Variants in COL4A6 observed in about 807,000 individuals in gnomAD.
The protein encoded by COL4A6 is collagen alpha-6(IV) chain.
COL4A6 carries 59 observed loss-of-function variants against 126.7 expected under a neutral mutation model. The observed-to-expected ratio is 0.47, with a 90% CI of 0.38 to 0.58. The LOEUF (loss-of-function observed/expected upper bound fraction) is 0.58. COL4A6 is among the 20% of genes least tolerant of loss of function. COL4A6 has a pLI of 0.00. For missense variants in COL4A6, 1,285 were observed against 1,337.3 expected, an observed-to-expected ratio of 0.96 and a Z score of 0.61; for synonymous variants, 547 against 496.6, an observed-to-expected ratio of 1.10 and a Z score of -1.35.
At chrX:108,353,092 A>G (rs2039880852) in intron 2 of COL4A6, among the ~76,000 whole-genome samples, 1 of 111,974 alleles carries the variant, frequency 8.9e-6, no homozygotes, top group Non-Finnish European at 1.9e-5. Flanking sequence ...GGTTATAAGA[A>G]GAAAAAAAGG....
chrX:108,293,594 A>C (rs766743849), intron 3 of COL4A6, among the ~76,000 whole-genome samples: 16 of 110,076 alleles, frequency 1.5e-4, no homozygotes, highest in Non-Finnish European at 2.8e-4. Flanking sequence ...TATATTTGGG[A>C]CTTCGGATTC....
At chrX:108,421,067 A>G in intron 2 of COL4A6, among the ~76,000 whole-genome samples, 1 of 112,358 alleles carries the variant, frequency 8.9e-6, no homozygotes, top group South Asian at 3.7e-4. Context: ...TCTACAGATT[A>G]CTGATACTGT....
rs2035031131 is a variant in COL4A6, at chrX:108,191,263, C to T, written c.1321+130G>A. 6.2e-6 allele frequency: 5 copies of T among 800,040 alleles called. No homozygotes were observed. In the Admixed American group the frequency reaches 1.5e-4, roughly 24 times the overall value. 65.9% of individuals were successfully genotyped at this position (800,040 alleles called of 1,213,427 possible). Reference sequence around the variant, plus strand: ...AGAGACGACGGGGCCTTCATGGCTGCCCCTCTGCAATTATCATGTATCCTG... The same window carrying T: ...AGAGACGACGGGGCCTTCATGGCTGTCCCTCTGCAATTATCATGTATCCTG... On this transcript the variant is annotated intron_variant, in intron 19 of 44. Coordinates refer to ENST00000334504, the MANE Select transcript of COL4A6 (RefSeq NM_033641.4).
intron 3 of COL4A6, chrX:108,268,804 T>C (rs774813384): frequency 1.3e-5 from 2 of 158,105 alleles, no homozygotes; most frequent in Non-Finnish European, 2.4e-5. Context: ...TTATTGAGGT[T>C]CTTTATCAGC....
At chrX:108,269,116 GC>G in intron 3 of COL4A6, 1 of 338,986 alleles carries the variant, frequency 2.9e-6, no homozygotes, top group South Asian at 2.6e-5. Context: ...AAATGGTAGA[GC>G]CGGCCAGCCA....
intron 8 of COL4A6, 147 bp from the exon 9 acceptor site, chrX:108,206,727 A>G (rs2035554759): frequency 3.6e-6 from 2 of 553,244 alleles, no homozygotes; most frequent in Non-Finnish European, 3.3e-6. Context: ...CAGTTGTCCA[A>G]TGATACAAGG....
At chrX:108,306,341 A>T (rs1209798895) in intron 3 of COL4A6, among the ~76,000 whole-genome samples, 1 of 112,040 alleles carries the variant, frequency 8.9e-6, no homozygotes, top group African/African-American at 3.3e-5. Context: ...AAGTGCAGGC[A>T]GCTGGAGAAA....
chrX:108,334,438 G>A (rs762846386), intron 2 of COL4A6, among the ~76,000 whole-genome samples: 28 of 111,400 alleles, frequency 2.5e-4, no homozygotes, highest in Middle Eastern at 4.6e-3. Context: ...CAATAAGGTC[G>A]GTGAAACATG....
chrX:108,239,088 A>C (rs773598520), intron 3 of COL4A6, among the ~76,000 whole-genome samples: 4 of 112,021 alleles, frequency 3.6e-5, no homozygotes, highest in Non-Finnish European at 5.6e-5. Flanking sequence ...TTCCTTGGAC[A>C]TTGTAGCTAT....
intron 2 of COL4A6, among the ~76,000 whole-genome samples, chrX:108,357,312 T>C (rs1250412663): frequency 9.0e-6 from 1 of 111,321 alleles, no homozygotes; most frequent in African/African-American, 3.3e-5. Context: ...TACTGATAAG[T>C]CTAAGCCTTC....
intron 2 of COL4A6, among the ~76,000 whole-genome samples, chrX:108,378,750 G>A (rs1215802773): frequency 1.8e-5 from 2 of 113,039 alleles, no homozygotes; most frequent in Admixed American, 9.3e-5. Flanking sequence ...TGATGCCTTA[G>A]GCCTGGATTG....
chrX:108,291,248 C>A (rs2038154597), intron 3 of COL4A6, among the ~76,000 whole-genome samples: 1 of 112,372 alleles, frequency 8.9e-6, no homozygotes, highest in African/African-American at 3.2e-5. Context: ...GCATGTCCAA[C>A]AATTTCCCCA....
At chrX:108,202,513 A>G (rs1221931458) in intron 13 of COL4A6, among the ~76,000 whole-genome samples, 1 of 112,153 alleles carries the variant, frequency 8.9e-6, no homozygotes, top group Non-Finnish European at 1.9e-5. Flanking sequence ...TAACTGAATA[A>G]TAAGTGCTAG....
At chrX:108,351,472 G>GTGTC (rs1327887596) in intron 2 of COL4A6, among the ~76,000 whole-genome samples, 2 of 109,912 alleles carry the variant, frequency 1.8e-5, no homozygotes, top group Admixed American at 9.8e-5. Context: ...GTGTGTGTGT[G>GTGTC]TGTGTATGTG....
At chrX:108,415,327 G>A in intron 2 of COL4A6, among the ~76,000 whole-genome samples, 1 of 111,791 alleles carries the variant, frequency 8.9e-6, no homozygotes. Flanking sequence ...ACTGTAAAAT[G>A]TAATGCCTAT....
chrX:108,438,814 C>T (rs947836385), upstream of COL4A6, among the ~76,000 whole-genome samples: 4 of 112,473 alleles, frequency 3.6e-5, no homozygotes, highest in Admixed American at 3.7e-4. Context: ...CTGAGCTAAG[C>T]AGAACCTAAG....
At chrX:108,286,200 A>G (rs951963953) in intron 3 of COL4A6, among the ~76,000 whole-genome samples, 1 of 112,367 alleles carries the variant, frequency 8.9e-6, no homozygotes, top group African/African-American at 3.2e-5. Context: ...AGTTTGTTTG[A>G]GATAAACCCG....
At chrX:108,276,671 G>T (rs965578357) in intron 3 of COL4A6, among the ~76,000 whole-genome samples, 1 of 111,537 alleles carries the variant, frequency 9.0e-6, no homozygotes, top group African/African-American at 3.3e-5. Flanking sequence ...GAGTAATGCA[G>T]ACCTGAGCAC....
rs1384437819 is a variant in COL4A6 at position 108,171,446 on chromosome X, G to C, written c.3218C>G (p.Thr1073Arg). 1 of 1,209,802 alleles carries C rather than the reference G, an allele frequency of 8.3e-7. No homozygotes were observed. Among genetic ancestry groups the C allele is most frequent in the Non-Finnish European group, 1.1e-6 (1 of 894,086 alleles). Reference sequence around the variant, plus strand: ...TCCTGGGCTACCGGAAATTTCAACTGTCTGGCCGTTGTCTCCTGAGGATTC... The same window carrying C: ...TCCTGGGCTACCGGAAATTTCAACTCTCTGGCCGTTGTCTCCTGAGGATTC... ...LPGLKGDNGQ[T>R]VEISGSPGPK... Residue 1073 changes from threonine to arginine, a missense_variant, in exon 33 of 45, where the codon ACA becomes AGA. Transcript: ENST00000334504.
Sources: allele counts gnomAD v4.1 joint callset (sites outside exome capture counted in the v4.1 genomes callset), GRCh38; gene constraint gnomAD v4.1.1; transcripts MANE v1.5; gene names NCBI Gene and HGNC (gene_info 2026-07-23, HGNC 2026-07-21).